Variants in WDR70 observed in about 807,000 individuals in gnomAD.
The protein encoded by WDR70 is WD repeat domain 70.
A neutral mutation model predicts 88.6 loss-of-function variants in WDR70; 53 were observed. That is an observed-to-expected ratio of 0.60 (90% CI 0.48 to 0.75). WDR70 has a LOEUF of 0.75. Ranked by LOEUF, WDR70 falls within the 30% of genes least tolerant of loss-of-function variation. The pLI is 0.00. For missense variants in WDR70, 610 were observed against 823.2 expected, an observed-to-expected ratio of 0.74 and a Z score of 3.17; for synonymous variants, 280 against 270.0, an observed-to-expected ratio of 1.04 and a Z score of -0.36.
Position 37,597,553 on chromosome 5 carries a change from T to C in WDR70, c.918-7511T>C, listed in dbSNP as rs542301537. On this transcript the variant is annotated intron_variant, in intron 9 of 17. Coordinates refer to ENST00000265107, the MANE Select transcript of WDR70 (RefSeq NM_018034.4). ...AAATATTGATTTATTTTTCTTATTG[T>C]TGAATTTTCAGAGCTTTTTAGATAT... Among the ~76,000 whole-genome samples the C allele has an allele frequency of 2.6e-5, 4 of 152,374 alleles. No individual in the cohort carries two copies. In the East Asian group the frequency reaches 7.7e-4, roughly 29 times the overall value.
chr5:37,638,692 G>A (rs1242827790), intron 10 of WDR70, among the ~76,000 whole-genome samples: 1 of 152,146 alleles, frequency 6.6e-6, no homozygotes, highest in Non-Finnish European at 1.5e-5. Context: ...TTTTATAGAA[G>A]AAAGTTCACA....
At chr5:37,609,710 G>A (rs10941351) in intron 10 of WDR70, among the ~76,000 whole-genome samples, 70,993 of 151,988 alleles carry the variant, frequency 0.47, 18,081 homozygotes, top group Non-Finnish European at 0.58. Flanking sequence ...TTTTGGGAAA[G>A]TCACCACACA....
chr5:37,715,894 T>C (rs1190350292), intron 13 of WDR70, among the ~76,000 whole-genome samples: 1 of 152,088 alleles, frequency 6.6e-6, no homozygotes, highest in African/African-American at 2.4e-5. Flanking sequence ...TTTCTTAGTG[T>C]CTGGAATCTG....
At chr5:37,447,421 G>C (rs1385505541) in intron 7 of WDR70, among the ~76,000 whole-genome samples, 1 of 152,140 alleles carries the variant, frequency 6.6e-6, no homozygotes, top group Admixed American at 6.5e-5. Context: ...ATTTGACCCA[G>C]CCATCACATT....
At chr5:37,695,332 C>A (rs961723958) in intron 10 of WDR70, among the ~76,000 whole-genome samples, 1 of 152,182 alleles carries the variant, frequency 6.6e-6, no homozygotes, top group Non-Finnish European at 1.5e-5. Flanking sequence ...TAGAATTTGA[C>A]ATGAGATTTG....
At chr5:37,409,874 A>G (rs1168728575) in intron 5 of WDR70, among the ~76,000 whole-genome samples, 1 of 152,164 alleles carries the variant, frequency 6.6e-6, no homozygotes, top group African/African-American at 2.4e-5. Context: ...CACAACTATT[A>G]TAATTCATTC....
At chr5:37,711,987 C>CTTTTTTTTT (rs70978842) in intron 13 of WDR70, among the ~76,000 whole-genome samples, 8 of 104,022 alleles carry the variant, frequency 7.7e-5, no homozygotes, top group Admixed American at 2.2e-4. Flanking sequence ...TATATTTTTT[C>CTTTTTTTTT]TTTTTTTTTT....
chr5:37,456,219 T>C (rs531757166), intron 7 of WDR70, among the ~76,000 whole-genome samples: 7 of 152,318 alleles, frequency 4.6e-5, no homozygotes, highest in Admixed American at 4.6e-4. Context: ...TTAGTGGCAA[T>C]GTGTAAGAGT....
At chr5:37,743,062 A>G (rs1410287968) in intron 17 of WDR70, among the ~76,000 whole-genome samples, 1 of 152,218 alleles carries the variant, frequency 6.6e-6, no homozygotes, top group Non-Finnish European at 1.5e-5. Context: ...CCATTGGAAA[A>G]AAACATAATA....
chr5:37,484,505 G>A (rs1258867383), intron 8 of WDR70, among the ~76,000 whole-genome samples: 2 of 152,218 alleles, frequency 1.3e-5, no homozygotes, highest in African/African-American at 2.4e-5. Context: ...GATGGCAGCA[G>A]TACAGTCCAG....
intron 17 of WDR70, among the ~76,000 whole-genome samples, chr5:37,743,532 G>C (rs1282141531): frequency 6.6e-6 from 1 of 152,234 alleles, no homozygotes; most frequent in Non-Finnish European, 1.5e-5. Flanking sequence ...CTCTGGGTAG[G>C]GGAAGGGCAG....
intron 8 of WDR70, chr5:37,506,072 T>C: frequency 7.7e-7 from 1 of 1,298,368 alleles, no homozygotes; most frequent in Non-Finnish European, 1.1e-6. Flanking sequence ...AGAGATCACC[T>C]CATTCAAGAT....
At chr5:37,613,489 A>G (rs1367717907) in intron 10 of WDR70, among the ~76,000 whole-genome samples, 1 of 152,206 alleles carries the variant, frequency 6.6e-6, no homozygotes, top group Non-Finnish European at 1.5e-5. Flanking sequence ...TAAAAGGCAA[A>G]CTGATTTGTC....
intron 17 of WDR70, among the ~76,000 whole-genome samples, chr5:37,746,170 T>C (rs1453862721): frequency 2.0e-5 from 3 of 152,160 alleles, no homozygotes; most frequent in Non-Finnish European, 2.9e-5. Flanking sequence ...CTGCTCCTTA[T>C]TGACTCCTGG....
intron 9 of WDR70, among the ~76,000 whole-genome samples, chr5:37,561,653 C>G (rs1252320590): frequency 6.6e-6 from 1 of 152,194 alleles, no homozygotes; most frequent in Non-Finnish European, 1.5e-5. Flanking sequence ...GTCTCAGCAA[C>G]AGGCCATGTC....
At chr5:37,686,115 CGACAAA>C (rs1746588167) in intron 10 of WDR70, among the ~76,000 whole-genome samples, 1 of 151,682 alleles carries the variant, frequency 6.6e-6, no homozygotes, top group Non-Finnish European at 1.5e-5. Flanking sequence ...ACCAGCTGGG[CGACAAA>C]GTGAGACCAC....
At chr5:37,529,233 A>G (rs1427852579) in intron 9 of WDR70, among the ~76,000 whole-genome samples, 2 of 152,074 alleles carry the variant, frequency 1.3e-5, no homozygotes, top group Admixed American at 1.3e-4. Flanking sequence ...GCCTTATAGT[A>G]TAGTTTGAAG....
At chr5:37,750,009 T>A (rs1408201623) in intron 17 of WDR70, among the ~76,000 whole-genome samples, 3 of 152,212 alleles carry the variant, frequency 2.0e-5, no homozygotes, top group African/African-American at 7.2e-5. Context: ...TCAACTTTAT[T>A]GAGGTACAAT....
At chr5:37,506,665 A>G in intron 8 of WDR70, 1 of 786,186 alleles carries the variant, frequency 1.3e-6, no homozygotes, top group Admixed American at 1.7e-5. Flanking sequence ...TCTCCCTCAC[A>G]CACAAATAAA....
Sources: allele counts gnomAD v4.1 joint callset (sites outside exome capture counted in the v4.1 genomes callset), GRCh38; gene constraint gnomAD v4.1.1; transcripts MANE v1.5; gene names NCBI Gene and HGNC (gene_info 2026-07-23, HGNC 2026-07-21).